The following ERBIN variants were observed in gnomAD, a reference collection of about 807,000 sequenced individuals.
ERBIN encodes densin-180-like protein.
In ERBIN, 60 loss-of-function variants were observed where a neutral mutation model predicts 158.4. That is an observed-to-expected ratio of 0.38 (90% CI 0.31 to 0.47). The LOEUF (loss-of-function observed/expected upper bound fraction) is 0.47, where lower values mean the gene tolerates loss of function less well. Ranked by LOEUF, ERBIN falls within the 20% of genes least tolerant of loss-of-function variation. The probability of loss-of-function intolerance (pLI) is 0.99; values close to 1 mark genes in which losing one functional copy is unlikely to be tolerated. For synonymous variants in ERBIN, 594 were observed against 557.2 expected, an observed-to-expected ratio of 1.07 and a Z score of -0.93; for missense variants, 1,610 against 1,648.0, an observed-to-expected ratio of 0.98 and a Z score of 0.40.
chr5:66,075,144 T>C lies in ERBIN; in HGVS notation c.3877T>C (p.Tyr1293His), dbSNP rs866851441. 1.9e-6 allele frequency: 3 copies of C among 1,614,176 alleles called. No individual in the cohort carries two copies. The highest frequency in any genetic ancestry group is 1.1e-5 in the South Asian group (1 of 91,078). The change falls in exon 23 of 26, where the codon TAC becomes CAC. Residue 1293 changes from tyrosine (Y) to histidine (H), a missense_variant. Coordinates refer to ENST00000284037, the MANE Select transcript of ERBIN (RefSeq NM_001253697.2). The part of the protein sequence containing the change: ...RHPSREQLID[Y>H]LMLKVAHQPP... ...TCCCTCTAGAGAACAACTAATTGAT[T>C]ACTTGATGCTGAAAGTGGCCCACCA...
At chr5:65,971,886 C>T (rs1208791288) in intron 1 of ERBIN, among the ~76,000 whole-genome samples, 1 of 152,152 alleles carries the variant, frequency 6.6e-6, no homozygotes, top group Admixed American at 6.5e-5. Flanking sequence ...GCAGTGTTAC[C>T]TGGTACCAAA....
At chr5:66,005,095 T>G (rs568034179) in intron 4 of ERBIN, among the ~76,000 whole-genome samples, 1 of 152,218 alleles carries the variant, frequency 6.6e-6, no homozygotes, top group South Asian at 2.1e-4. Context: ...TATATATATA[T>G]AGACAGGAAC....
intron 1 of ERBIN, among the ~76,000 whole-genome samples, chr5:65,941,115 G>A (rs1044263878): frequency 6.6e-6 from 1 of 151,950 alleles, no homozygotes; most frequent in African/African-American, 2.4e-5. Context: ...ATGCTTGAAG[G>A]CAGCATGCTC....
intron 21 of ERBIN, 46 bp downstream of exon 21, chr5:66,054,997 AT>A (rs1161129665): frequency 6.7e-7 from 1 of 1,484,632 alleles, no homozygotes; most frequent in East Asian, 2.4e-5. Context: ...GAACTTAATT[AT>A]TTTCCTTAAA....
intron 1 of ERBIN, among the ~76,000 whole-genome samples, chr5:65,981,127 A>C (rs138865887): frequency 3.9e-5 from 6 of 152,358 alleles, no homozygotes; most frequent in African/African-American, 1.4e-4. Flanking sequence ...ATCAGTAACA[A>C]AATGAGGTTT....
chr5:65,990,468 A>T (rs1240540205), intron 2 of ERBIN, among the ~76,000 whole-genome samples: 1 of 152,028 alleles, frequency 6.6e-6, no homozygotes, highest in Non-Finnish European at 1.5e-5. Flanking sequence ...GGAGATGGAG[A>T]CCATCCTGGC....
chr5:66,017,093 G>A (rs1754830143), intron 7 of ERBIN, among the ~76,000 whole-genome samples: 1 of 151,888 alleles, frequency 6.6e-6, no homozygotes, highest in South Asian at 2.1e-4. Flanking sequence ...CCATTCTTCT[G>A]TTGACGGTTA....
At chr5:66,012,854 A>C (rs902495151) in intron 5 of ERBIN, among the ~76,000 whole-genome samples, 1 of 152,230 alleles carries the variant, frequency 6.6e-6, no homozygotes, top group Non-Finnish European at 1.5e-5. Flanking sequence ...ACATGGCCCT[A>C]ACGTCATTCA....
At chr5:66,007,137 C>T (rs369485286) in intron 4 of ERBIN, among the ~76,000 whole-genome samples, 5 of 152,086 alleles carry the variant, frequency 3.3e-5, no homozygotes, top group South Asian at 2.1e-4. Context: ...TTGGAACCAA[C>T]GCAAATGTCC....
chr5:66,063,475 C>CCCTTGT (rs1358983304), intron 21 of ERBIN, among the ~76,000 whole-genome samples: 2 of 152,154 alleles, frequency 1.3e-5, no homozygotes, highest in Non-Finnish European at 2.9e-5. Context: ...ATTCCTTGAC[C>CCCTTGT]CCTTGTGTTT....
chr5:65,945,851 G>GTA (rs1488177831), intron 1 of ERBIN, among the ~76,000 whole-genome samples: 7 of 152,078 alleles, frequency 4.6e-5, no homozygotes, highest in African/African-American at 1.4e-4. Flanking sequence ...GAGGTCTTGT[G>GTA]TATCTTTTAT....
At chr5:65,978,829 T>C (rs1242604345) in intron 1 of ERBIN, among the ~76,000 whole-genome samples, 2 of 152,216 alleles carry the variant, frequency 1.3e-5, no homozygotes, top group Admixed American at 1.3e-4. Context: ...AAAGAAATCA[T>C]GTAGTCCTGC....
In ERBIN at chr5:66,081,941, C is replaced by G. The variant is rs1762404765; in HGVS notation, c.*3411C>G. 1 of 151,882 alleles carries G rather than the reference C, an allele frequency of 6.6e-6. No homozygotes were observed. The highest frequency in any genetic ancestry group is 1.5e-5 in the Non-Finnish European group (1 of 67,928). 9.4% of individuals were successfully genotyped at this position (151,882 alleles called of 1,614,324 possible). A position where few individuals can be genotyped will look rare whatever the true frequency, so the allele number is the denominator to read the frequency against. Reference sequence around the variant, plus strand: ...AAGTAATCTAGACAGGCAGCCAACTCAGACCTTTGGGTATTCCTTTGTTTC... The same window carrying G: ...AAGTAATCTAGACAGGCAGCCAACTGAGACCTTTGGGTATTCCTTTGTTTC... On this transcript the variant is annotated 3_prime_UTR_variant, in exon 26 of 26. Coordinates refer to ENST00000284037, the MANE Select transcript of ERBIN (RefSeq NM_001253697.2).
chr5:65,961,966 A>G (rs1170217137), intron 1 of ERBIN, among the ~76,000 whole-genome samples: 1 of 152,092 alleles, frequency 6.6e-6, no homozygotes, highest in Non-Finnish European at 1.5e-5. Context: ...TTTACCAGAG[A>G]GTTGTTGTAA....
At chr5:65,940,502 G>A (rs1452676675) in intron 1 of ERBIN, among the ~76,000 whole-genome samples, 1 of 87,150 alleles carries the variant, frequency 1.1e-5, no homozygotes, top group Non-Finnish European at 2.2e-5. Flanking sequence ...CAGCCGCCCC[G>A]TCTGGGAGGG....
At chr5:66,008,275 C>G (rs923233942) in intron 4 of ERBIN, among the ~76,000 whole-genome samples, 1 of 152,064 alleles carries the variant, frequency 6.6e-6, no homozygotes, top group African/African-American at 2.4e-5. Flanking sequence ...AAAAATTAGC[C>G]GGGCGTGGTG....
chr5:65,973,425 T>C (rs189722983), intron 1 of ERBIN, among the ~76,000 whole-genome samples: 6 of 150,946 alleles, frequency 4.0e-5, no homozygotes, highest in African/African-American at 1.5e-4. Context: ...ATAAAATAAA[T>C]TAAAAAAAAG....
rs367993738 is a variant in ERBIN, at chr5:65,994,899, G to T, written c.307+35G>T. ...TTTTTGCCCATAATTTTTTGTACTT[G>T]GGAACATGTTTCATTACTAAGATTT... On this transcript the variant is annotated intron_variant, in intron 4 of 25. Transcript: ENST00000284037. The T allele has an allele frequency of 1.7e-5, 21 of 1,259,462 alleles. No homozygotes were observed. The African/African-American group carries it at 2.9e-4, about 17-fold the overall frequency. 78.0% of individuals were successfully genotyped at this position (1,259,462 alleles called of 1,614,324 possible).
chr5:65,964,741 C>CTTTTT (rs70987103), intron 1 of ERBIN, among the ~76,000 whole-genome samples: 7 of 119,460 alleles, frequency 5.9e-5, no homozygotes, highest in Non-Finnish European at 9.9e-5. Flanking sequence ...CCAGAGCAAT[C>CTTTTT]TTTTTTTTTT....
Sources: gnomAD v4.1 joint callset for allele counts (sites outside exome capture counted in the v4.1 genomes callset) on GRCh38, gnomAD v4.1.1 for gene constraint, MANE v1.5 for transcripts, NCBI Gene and HGNC (gene_info 2026-07-23, HGNC 2026-07-21) for gene names.